ADGRL3: variants seen among roughly 807,000 people sequenced by gnomAD.
The protein encoded by ADGRL3 is calcium-independent alpha-latrotoxin receptor 3.
ADGRL3 carries 62 observed loss-of-function variants against 153.5 expected under a neutral mutation model. The ratio of observed to expected loss-of-function variants is 0.40; its 90% CI spans 0.33 to 0.50. ADGRL3 has a LOEUF of 0.50. Among genes scored for constraint, ADGRL3 ranks in the 20% least tolerant of loss-of-function variants. The probability of loss-of-function intolerance (pLI) is 0.47; values close to 1 mark genes in which losing one functional copy is unlikely to be tolerated. For missense variants in ADGRL3, 1,641 were observed against 1,859.4 expected, an observed-to-expected ratio of 0.88 and a Z score of 2.16; for synonymous variants, 710 against 672.5, an observed-to-expected ratio of 1.06 and a Z score of -0.86.
chr4:61,573,853 A>T (rs909031818), intron 4 of ADGRL3, among the ~76,000 whole-genome samples: 1 of 151,992 alleles, frequency 6.6e-6, no homozygotes, highest in African/African-American at 2.4e-5. Flanking sequence ...GAAATACTGG[A>T]TATTATTCAC....
intron 1 of ADGRL3, among the ~76,000 whole-genome samples, chr4:61,265,140 G>T (rs1300038252): frequency 6.6e-6 from 1 of 151,908 alleles, no homozygotes; most frequent in Non-Finnish European, 1.5e-5. Context: ...TTTGTATACA[G>T]AATCTTTGGG....
intron 5 of ADGRL3, among the ~76,000 whole-genome samples, chr4:61,669,838 T>C (rs1454546990): frequency 6.6e-6 from 1 of 152,220 alleles, no homozygotes; most frequent in East Asian, 1.9e-4. Flanking sequence ...TGGAGTTTTA[T>C]ACATGACTGA....
intron 1 of ADGRL3, among the ~76,000 whole-genome samples, chr4:61,208,976 A>G (rs1738583200): frequency 6.6e-6 from 1 of 152,088 alleles, no homozygotes; most frequent in South Asian, 2.1e-4. Flanking sequence ...TACCTTTACT[A>G]GATACTAAAG....
At chr4:61,249,619 C>T (rs1505668) in intron 1 of ADGRL3, among the ~76,000 whole-genome samples, 78,219 of 151,956 alleles carry the variant, frequency 0.51, 20,336 homozygotes, top group Non-Finnish European at 0.56. Context: ...TAGGAAATTC[C>T]ACACAACGCT....
At position 61,407,285 on chromosome 4, in the gene ADGRL3, AT is replaced by A. The variant is rs200874245; in HGVS notation, c.-174+24097del. Among the ~76,000 whole-genome samples, 1,039 of 152,262 alleles carry A rather than the reference AT, an allele frequency of 6.8e-3. 11 individuals carry two copies. Among genetic ancestry groups the A allele is most frequent in the African/African-American group, 0.023 (977 of 41,588 alleles). On this transcript the variant is annotated intron_variant, in intron 2 of 26. Coordinates refer to ENST00000683033, the MANE Select transcript of ADGRL3 (RefSeq NM_001387552.1). Reference sequence around the variant, plus strand: ...TATACTAAAGTAAGGTGTTTAAAAAATAACTTGCTTTGTTATTACAGAAGTA... The same window carrying A: ...TATACTAAAGTAAGGTGTTTAAAAAAAACTTGCTTTGTTATTACAGAAGTA...
At chr4:61,765,681 T>TAC (rs2096968555) in intron 8 of ADGRL3, among the ~76,000 whole-genome samples, 2 of 152,102 alleles carry the variant, frequency 1.3e-5, no homozygotes, top group Admixed American at 1.3e-4. Flanking sequence ...TCACACCCTG[T>TAC]ACACACCCTG....
chr4:61,711,491 T>TATATACAC (rs757078842), intron 6 of ADGRL3, among the ~76,000 whole-genome samples: 3 of 89,210 alleles, frequency 3.4e-5, no homozygotes, highest in Non-Finnish European at 4.7e-5. Context: ...TATATATATA[T>TATATACAC]ACACACACAC....
intron 1 of ADGRL3, among the ~76,000 whole-genome samples, chr4:61,260,031 T>C (rs1211571715): frequency 2.0e-5 from 3 of 152,202 alleles, no homozygotes; most frequent in Non-Finnish European, 2.9e-5. Context: ...TCATTGCTGC[T>C]TATGAGACGT....
chr4:61,680,344 T>C (rs2095308081), intron 6 of ADGRL3, among the ~76,000 whole-genome samples: 2 of 152,010 alleles, frequency 1.3e-5, no homozygotes. Flanking sequence ...GTACTATTTA[T>C]GAATGTTTCA....
rs377135490 is a variant in ADGRL3, at chr4:61,645,596, C to G, written c.474-31230C>G. ...CTGGGTTGAAAATTCTTTTCTTTAA[C>G]AATGTTGAATATTGTCCCCCACTCT... is the stretch of plus-strand genomic sequence containing the variant. On this transcript the variant is annotated intron_variant, in intron 5 of 26. Transcript: ENST00000683033. 4.0e-3 allele frequency among the ~76,000 whole-genome samples: 611 copies of G among 152,200 alleles called. 8 individuals carry two copies. Among genetic ancestry groups the G allele is most frequent in the South Asian group, 0.037 (180 of 4,814 alleles).
At chr4:61,623,463 A>C (rs1270972622) in intron 5 of ADGRL3, among the ~76,000 whole-genome samples, 1 of 152,012 alleles carries the variant, frequency 6.6e-6, no homozygotes, top group Admixed American at 6.6e-5. Flanking sequence ...TGAATGAAAA[A>C]CAGAAAATAC....
intron 1 of ADGRL3, among the ~76,000 whole-genome samples, chr4:61,303,903 T>A (rs2094674783): frequency 6.6e-6 from 1 of 152,298 alleles, no homozygotes; most frequent in African/African-American, 2.4e-5. Flanking sequence ...CTTACACAAA[T>A]CACAATTTAA....
At chr4:61,279,663 T>G (rs1335336259) in intron 1 of ADGRL3, among the ~76,000 whole-genome samples, 2 of 152,320 alleles carry the variant, frequency 1.3e-5, no homozygotes, top group East Asian at 3.9e-4. Context: ...ATGGATTTAC[T>G]TTTCCATTTG....
intron 2 of ADGRL3, among the ~76,000 whole-genome samples, chr4:61,416,213 A>C (rs1357418829): frequency 6.6e-6 from 1 of 152,080 alleles, no homozygotes; most frequent in Non-Finnish European, 1.5e-5. Flanking sequence ...TACAAGCATA[A>C]TAATGAAATA....
At chr4:61,368,305 G>C (rs140680474) in intron 1 of ADGRL3, among the ~76,000 whole-genome samples, 7,261 of 152,186 alleles carry the variant, frequency 0.048, 539 homozygotes, top group African/African-American at 0.16. Context: ...CCTTGCCCAT[G>C]CCTATGTCCT....
intron 1 of ADGRL3, among the ~76,000 whole-genome samples, chr4:61,262,781 A>G (rs1391626758): frequency 1.3e-5 from 2 of 151,952 alleles, no homozygotes; most frequent in African/African-American, 4.8e-5. Flanking sequence ...GGAATCACAG[A>G]CTCCTTATCC....
At chr4:61,668,059 A>G (rs2094862374) in intron 5 of ADGRL3, among the ~76,000 whole-genome samples, 1 of 152,216 alleles carries the variant, frequency 6.6e-6, no homozygotes, top group African/African-American at 2.4e-5. Flanking sequence ...GTTATCTTAT[A>G]TGGCTAAAGG....
chr4:61,709,202 G>T (rs1195604084), intron 6 of ADGRL3, among the ~76,000 whole-genome samples: 1 of 152,000 alleles, frequency 6.6e-6, no homozygotes, highest in Non-Finnish European at 1.5e-5. Context: ...TTTCTACCAC[G>T]TTGTATCAGC....
At chr4:61,233,377 A>G (rs548570631) in intron 1 of ADGRL3, among the ~76,000 whole-genome samples, 1 of 152,214 alleles carries the variant, frequency 6.6e-6, no homozygotes, top group South Asian at 2.1e-4. Context: ...CTTTTCTACC[A>G]TTATACTACT....
Sources: allele counts gnomAD v4.1 joint callset (sites outside exome capture counted in the v4.1 genomes callset), GRCh38; gene constraint gnomAD v4.1.1; transcripts MANE v1.5; gene names NCBI Gene and HGNC (gene_info 2026-07-23, HGNC 2026-07-21).